The following TSHZ2 variants were observed in gnomAD, a reference collection of about 807,000 sequenced individuals.
TSHZ2 encodes the protein teashirt zinc finger homeobox 2, also known as teashirt homolog 2.
A neutral mutation model predicts 74.4 loss-of-function variants in TSHZ2; 21 were observed. That is an observed-to-expected ratio of 0.28 (90% CI 0.20 to 0.41). The LOEUF is 0.41. TSHZ2 is among the 10% of genes least tolerant of loss of function. TSHZ2 has a pLI of 1.00. For missense variants in TSHZ2, 1,244 were observed against 1,293.5 expected (o/e 0.96, Z 0.59); for synonymous variants, 540 against 515.3 (o/e 1.05, Z -0.65).
intron 1 of TSHZ2, among the ~76,000 whole-genome samples, chr20:52,983,319 G>A (rs1429898506): frequency 2.6e-5 from 4 of 152,068 alleles, no homozygotes; most frequent in South Asian, 2.1e-4. Context: ...CTCTTGGTGC[G>A]GGCCCAGTAT....
chr20:53,364,440 C>A (rs138248274), intron 2 of TSHZ2, among the ~76,000 whole-genome samples: 276 of 151,838 alleles, frequency 1.8e-3, no homozygotes, highest in Non-Finnish European at 3.5e-3. Flanking sequence ...CCATGCCTCC[C>A]CTGAAGCCAT....
chr20:53,421,686 T>TTTTTTTTTG (rs1983475469), intron 2 of TSHZ2: 4 of 137,092 alleles, frequency 2.9e-5, no homozygotes, highest in African/African-American at 5.7e-5. Flanking sequence ...TTTTGGTTTT[T>TTTTTTTTTG]TTTTTTTTTT....
intron 1 of TSHZ2, among the ~76,000 whole-genome samples, chr20:52,999,667 G>A: frequency 6.6e-6 from 1 of 152,264 alleles, no homozygotes; most frequent in South Asian, 2.1e-4. Context: ...ATCAGCCACT[G>A]GTTTGTGACT....
At chr20:53,262,083 G>C (rs1990613158) in intron 2 of TSHZ2, among the ~76,000 whole-genome samples, 1 of 152,044 alleles carries the variant, frequency 6.6e-6, no homozygotes. Context: ...GCTTGGGGAG[G>C]ATTTTTTTTT....
At chr20:53,081,259 T>G (rs965347668) in intron 1 of TSHZ2, among the ~76,000 whole-genome samples, 2 of 152,150 alleles carry the variant, frequency 1.3e-5, no homozygotes, top group Admixed American at 6.5e-5. Flanking sequence ...CTTAAACTCC[T>G]GGCATCAAGT....
intron 1 of TSHZ2, among the ~76,000 whole-genome samples, chr20:53,244,877 T>A (rs968647818): frequency 1.3e-5 from 2 of 152,224 alleles, no homozygotes; most frequent in Non-Finnish European, 2.9e-5. Context: ...TAATATTAAA[T>A]AACAAACCCC....
rs1040211694 is a variant in TSHZ2, at chr20:53,008,703, C to T, written c.40+35370C>T. Among the ~76,000 whole-genome samples the T allele has an allele frequency of 1.2e-4, 18 of 151,778 alleles. No homozygotes were observed. In the East Asian group the frequency reaches 3.3e-3, roughly 28 times the overall value. Reference sequence around the variant, plus strand: ...TGAGGAATTTTAGAGGAAAAGTAGTCGATATAAAGGCCAACTTAGTCAAGT... The same window carrying T: ...TGAGGAATTTTAGAGGAAAAGTAGTTGATATAAAGGCCAACTTAGTCAAGT... On this transcript the variant is annotated intron_variant, in intron 1 of 2. Coordinates refer to ENST00000371497, the MANE Select transcript of TSHZ2 (RefSeq NM_173485.6).
chr20:53,141,392 G>A (rs1336146604), intron 1 of TSHZ2, among the ~76,000 whole-genome samples: 2 of 152,148 alleles, frequency 1.3e-5, no homozygotes, highest in African/African-American at 4.8e-5. Context: ...CCGCATCCTG[G>A]CCTCCTTCTA....
chr20:53,454,840 G>A (rs1444758922), intron 2 of TSHZ2, among the ~76,000 whole-genome samples: 2 of 152,032 alleles, frequency 1.3e-5, no homozygotes, highest in African/African-American at 2.4e-5. Context: ...CCTACCCTCA[G>A]GCCTTGCAGA....
At chr20:53,317,072 A>C (rs1979055948) in intron 2 of TSHZ2, among the ~76,000 whole-genome samples, 1 of 152,220 alleles carries the variant, frequency 6.6e-6, no homozygotes, top group African/African-American at 2.4e-5. Flanking sequence ...GTGAGAAAGC[A>C]GTGTGGTGTT....
At chr20:53,264,346 C>T (rs188704088) in intron 2 of TSHZ2, among the ~76,000 whole-genome samples, 21 of 152,336 alleles carry the variant, frequency 1.4e-4, no homozygotes, top group African/African-American at 4.8e-4. Context: ...AGCTGAGACT[C>T]CAGGCCACAG....
chr20:53,021,785 G>C (rs1407256242), intron 1 of TSHZ2, among the ~76,000 whole-genome samples: 1 of 152,156 alleles, frequency 6.6e-6, no homozygotes, highest in Non-Finnish European at 1.5e-5. Context: ...GATGGCAAGG[G>C]AGGAAGCTGT....
At chr20:53,328,772 C>A (rs1979596907) in intron 2 of TSHZ2, among the ~76,000 whole-genome samples, 1 of 152,102 alleles carries the variant, frequency 6.6e-6, no homozygotes, top group Non-Finnish European at 1.5e-5. Context: ...CTTTATCCTC[C>A]TTTTTAAGCT....
rs183985066 is a variant in TSHZ2 at position 53,301,101 on chromosome 20, G to T, written c.*8+44530G>T. ...CCCACCTCAGCCTCCCAAGTAGCAG[G>T]TGTGAGCCACTAGGCCCAGCTAATT... On this transcript the variant is annotated intron_variant, in intron 2 of 2. Transcript: ENST00000371497. 6.6e-3 allele frequency among the ~76,000 whole-genome samples: 997 copies of T among 152,190 alleles called. 14 individuals carry two copies. Among genetic ancestry groups the T allele is most frequent in the African/African-American group, 0.023 (951 of 41,520 alleles).
chr20:53,207,858 C>CTTTTTTTTTTTTT (rs58457116), intron 1 of TSHZ2, among the ~76,000 whole-genome samples: 1 of 96,698 alleles, frequency 1.0e-5, no homozygotes, highest in African/African-American at 4.2e-5. Flanking sequence ...CATTGTTTTA[C>CTTTTTTTTTTTTT]TTTTTTTTTT....
intron 1 of TSHZ2, among the ~76,000 whole-genome samples, chr20:53,210,604 G>C (rs558616860): frequency 1.3e-5 from 2 of 151,994 alleles, no homozygotes; most frequent in African/African-American, 4.8e-5. Context: ...TTTGGAGCCT[G>C]GGGTTTGGGG....
chr20:52,994,127 A>T (rs1407669251), intron 1 of TSHZ2, among the ~76,000 whole-genome samples: 1 of 152,198 alleles, frequency 6.6e-6, no homozygotes, highest in East Asian at 1.9e-4. Context: ...CATTTAACAG[A>T]TATTTATTAA....
chr20:53,385,279 T>G (rs1252502176), intron 2 of TSHZ2, among the ~76,000 whole-genome samples: 1 of 152,136 alleles, frequency 6.6e-6, no homozygotes, highest in African/African-American at 2.4e-5. Context: ...TTTTTTTCTC[T>G]TTGGAATGTC....
chr20:53,224,108 A>G (rs1367480492), intron 1 of TSHZ2, among the ~76,000 whole-genome samples: 1 of 152,220 alleles, frequency 6.6e-6, no homozygotes, highest in Non-Finnish European at 1.5e-5. Flanking sequence ...TGAATCTACA[A>G]TGATCTCAGA....
Sources: allele counts gnomAD v4.1 joint callset (sites outside exome capture counted in the v4.1 genomes callset), GRCh38; gene constraint gnomAD v4.1.1; transcripts MANE v1.5; gene names NCBI Gene and HGNC (gene_info 2026-07-23, HGNC 2026-07-21).